Variants in RAB37 observed in about 807,000 individuals in gnomAD.
RAB37 encodes the protein ras-related protein Rab-37.
Under a neutral mutation model 33.1 loss-of-function variants are expected in RAB37, and 29 were observed. The ratio of observed to expected loss-of-function variants is 0.88; its 90% CI spans 0.65 to 1.20. The LOEUF is 1.20. Ranked by LOEUF, RAB37 falls within the 50% of genes most tolerant of loss-of-function variation. The probability of loss-of-function intolerance (pLI) is 0.00; values close to 1 mark genes in which losing one functional copy is unlikely to be tolerated. For synonymous variants in RAB37, 128 were observed against 119.5 expected (o/e 1.07, Z -0.47); for missense variants, 299 against 301.1 (o/e 0.99, Z 0.05).
intron 1 of RAB37, chr17:74,694,775 A>T (rs909675176): frequency 1.3e-5 from 3 of 231,416 alleles, no homozygotes; most frequent in Non-Finnish European, 2.5e-5. Flanking sequence ...GGTTCATTGT[A>T]TTACGATAAT....
At chr17:74,736,123 G>A (rs1458271713), upstream of RAB37, among the ~76,000 whole-genome samples, 3 of 152,212 alleles carry the variant, frequency 2.0e-5, no homozygotes, top group East Asian at 1.9e-4. Context: ...TGAGGCGGGA[G>A]TATAGCTTGA....
chr17:74,704,409 G>T, intron 1 of RAB37: 1 of 1,123,092 alleles, frequency 8.9e-7, no homozygotes, highest in Non-Finnish European at 1.3e-6. Flanking sequence ...TAAATCACTT[G>T]AGTAGGACCT....
chr17:74,719,955 G>T (rs545991858), intron 1 of RAB37, among the ~76,000 whole-genome samples: 1 of 152,190 alleles, frequency 6.6e-6, no homozygotes, highest in Non-Finnish European at 1.5e-5. Context: ...CCTGAGAAAA[G>T]TTAATCATAC....
Position 74,712,758 on chromosome 17 carries a change from C to G in RAB37, c.73-16498C>G, listed in dbSNP as rs1246962827. 3.8e-6 allele frequency: 6 copies of G among 1,570,394 alleles called. No individual in the cohort carries two copies. The Admixed American group carries it at 6.7e-5, about 18-fold the overall frequency. On this transcript the variant is annotated intron_variant, in intron 1 of 7. Coordinates refer to the RAB37 transcript ENST00000340415. The stretch of plus-strand genomic sequence containing the variant: ...ACACCTTCTGGCCGGGTCCCTTCTT[C>G]CCTCTCTCAGCCACCTCCTCCTGCT...
At chr17:74,736,759 T>C, upstream of RAB37, 1 of 1,535,516 alleles carries the variant, frequency 6.5e-7, no homozygotes, top group Non-Finnish European at 8.7e-7. Flanking sequence ...AACAAAACTA[T>C]ATTCAGATGA....
At chr17:74,726,515 G>C (rs2034309838) in intron 1 of RAB37, among the ~76,000 whole-genome samples, 2 of 152,202 alleles carry the variant, frequency 1.3e-5, no homozygotes. Context: ...TCACATTCTG[G>C]AATATTCTCT....
chr17:74,698,753 C>T (rs773662812), intron 1 of RAB37: 2 of 645,706 alleles, frequency 3.1e-6, no homozygotes, highest in Middle Eastern at 8.5e-4. Context: ...TACAAACTAC[C>T]TATTGGGTAC....
At chr17:74,718,337 A>G (rs141952723) in intron 1 of RAB37, among the ~76,000 whole-genome samples, 1 of 147,188 alleles carries the variant, frequency 6.8e-6, no homozygotes, top group African/African-American at 2.5e-5. Flanking sequence ...ATCATATCAT[A>G]TCATATCATA....
intron 5 of RAB37, 64 bp downstream of exon 5, chr17:74,743,404 G>C (rs1402745566): frequency 1.4e-5 from 22 of 1,546,634 alleles, no homozygotes; most frequent in Non-Finnish European, 1.9e-5. Context: ...TGCAGGCTGG[G>C]GTTGCTTCCT....
At chr17:74,702,956 T>C in intron 1 of RAB37, 1 of 1,213,472 alleles carries the variant, frequency 8.2e-7, no homozygotes. Flanking sequence ...AAGCTCAGGC[T>C]GGAAAATGGG....
intron 2 of RAB37, among the ~76,000 whole-genome samples, chr17:74,741,651 C>T (rs1317148884): frequency 6.6e-6 from 1 of 151,964 alleles, no homozygotes; most frequent in East Asian, 1.9e-4. Context: ...AGGGACCCTC[C>T]CTCTCACCTT....
intron 1 of RAB37, among the ~76,000 whole-genome samples, chr17:74,726,915 C>T (rs797010196): frequency 2.0e-5 from 3 of 152,246 alleles, no homozygotes; most frequent in Admixed American, 6.5e-5. Flanking sequence ...GGCCACTGTC[C>T]ACTTTACACT....
chr17:74,685,912 A>G (rs1362002457), intron 1 of RAB37, among the ~76,000 whole-genome samples: 3 of 152,156 alleles, frequency 2.0e-5, no homozygotes, highest in Non-Finnish European at 2.9e-5. Context: ...GTCACCGTTA[A>G]TTGGGTCTCA....
intron 1 of RAB37, among the ~76,000 whole-genome samples, chr17:74,740,212 A>C (rs143687640): frequency 0.018 from 2,681 of 150,646 alleles, 49 homozygotes; most frequent in Non-Finnish European, 0.025. Flanking sequence ...TTGTGACACA[A>C]AAAAAAAAAC....
At chr17:74,717,481 A>G (rs963151933) in intron 1 of RAB37, among the ~76,000 whole-genome samples, 1 of 152,192 alleles carries the variant, frequency 6.6e-6, no homozygotes, top group Non-Finnish European at 1.5e-5. Flanking sequence ...GAGAGTAACT[A>G]GGTCTCCTGA....
chr17:74,685,584 A>G (rs1360136645), intron 1 of RAB37, among the ~76,000 whole-genome samples: 1 of 152,150 alleles, frequency 6.6e-6, no homozygotes, highest in Admixed American at 6.5e-5. Flanking sequence ...AGAGACATTC[A>G]GTGGTTGTTC....
chr17:74,728,295 CTGTGTGTATGTGTGTGTT>C (rs1233133927), intron 1 of RAB37, among the ~76,000 whole-genome samples: 1 of 150,488 alleles, frequency 6.6e-6, no homozygotes, highest in Non-Finnish European at 1.5e-5. Context: ...TGTGTGTGTT[CTGTGTGTATGTGTGTGTT>C]TGTGTGTACA....
At chr17:74,680,349 G>T (rs1403969366) in intron 1 of RAB37, among the ~76,000 whole-genome samples, 2 of 152,054 alleles carry the variant, frequency 1.3e-5, no homozygotes, top group Non-Finnish European at 2.9e-5. Flanking sequence ...TGTAGAGCTG[G>T]TTTTGCTCAC....
intron 1 of RAB37, among the ~76,000 whole-genome samples, chr17:74,703,311 A>G (rs920504721): frequency 4.6e-5 from 7 of 152,098 alleles, no homozygotes; most frequent in Non-Finnish European, 7.4e-5. Flanking sequence ...GAGACTCCAG[A>G]GCCTCATAGG....
Sources: gnomAD v4.1 joint callset for allele counts (sites outside exome capture counted in the v4.1 genomes callset) on GRCh38, gnomAD v4.1.1 for gene constraint, MANE v1.5 for transcripts, NCBI Gene and HGNC (gene_info 2026-07-23, HGNC 2026-07-21) for gene names.